Variants in SLC22A24 observed in about 807,000 individuals in gnomAD.
SLC22A24 encodes the protein solute carrier family 22 member 24, also known as steroid transmembrane transporter SLC22A24.
In SLC22A24, 53 loss-of-function variants were observed where a neutral mutation model predicts 49.8. The observed-to-expected ratio is 1.06, with a 90% CI of 0.85 to 1.34. The LOEUF is 1.34. Among genes scored for constraint, SLC22A24 ranks in the 40% most tolerant of loss-of-function variants. The pLI, the probability that SLC22A24 is intolerant of heterozygous loss-of-function variation, is 0.00. For synonymous variants in SLC22A24, 302 were observed against 256.4 expected (o/e 1.18, Z -1.70); for missense variants, 786 against 675.9 (o/e 1.16, Z -1.81).
intron 2 of SLC22A24, among the ~76,000 whole-genome samples, chr11:63,120,563 A>G (rs1294469078): frequency 2.0e-5 from 3 of 152,146 alleles, no homozygotes; most frequent in African/African-American, 7.2e-5. Context: ...GCAGAGAATG[A>G]GAAACAAAGA....
intron 2 of SLC22A24, among the ~76,000 whole-genome samples, chr11:63,125,071 T>G (rs902039759): frequency 6.6e-6 from 1 of 151,814 alleles, no homozygotes; most frequent in Non-Finnish European, 1.5e-5. Flanking sequence ...ACCTGCACAT[T>G]GTGCACATGT....
intron 4 of SLC22A24, among the ~76,000 whole-genome samples, chr11:63,117,034 T>G (rs577547111): frequency 2.6e-5 from 4 of 152,322 alleles, no homozygotes; most frequent in East Asian, 1.9e-4. Flanking sequence ...ATATTTAACT[T>G]AGTTGATTCA....
chr11:63,121,192 A>G lies in SLC22A24; in HGVS notation c.507-1857T>C, dbSNP rs185072182. ...CTATCAATTGTAATAAATGTATCAC[A>G]CTAGTGCAAAATGTTGGTAATATGG... On this transcript the variant is annotated intron_variant, in intron 2 of 9. Coordinates refer to ENST00000612278, the MANE Select transcript of SLC22A24 (RefSeq NM_001136506.2). Among the ~76,000 whole-genome samples the G allele has an allele frequency of 2.0e-3, 299 of 152,314 alleles. 10 individuals carry two copies. Among genetic ancestry groups the G allele is most frequent in the Admixed American group, 0.019 (296 of 15,284 alleles).
At chr11:63,141,379 G>T (rs548070885) in intron 1 of SLC22A24, among the ~76,000 whole-genome samples, 2 of 152,134 alleles carry the variant, frequency 1.3e-5, no homozygotes, top group Non-Finnish European at 2.9e-5. Flanking sequence ...TGCTATCTTC[G>T]TTGGGTTTTG....
intron 4 of SLC22A24, among the ~76,000 whole-genome samples, chr11:63,108,619 G>T (rs1405727128): frequency 1.3e-5 from 2 of 152,170 alleles, no homozygotes; most frequent in East Asian, 3.9e-4. Context: ...CCTGTTATTG[G>T]TCTATTCAGA....
At position 63,113,217 on chromosome 11, in the gene SLC22A24, T is replaced by TATATATACACATATATATACAC. The variant is rs1565332367; in HGVS notation, c.830+5694_830+5695insGTGTATATATATGTGTATATAT. 1.2e-3 allele frequency among the ~76,000 whole-genome samples: 2 copies of TATATATACACATATATATACAC among 1,604 alleles called. 1 individual carries two copies. The highest frequency in any genetic ancestry group is 1.6e-3 in the African/African-American group (2 of 1,288). The allele number at this position is 1,604 out of a possible 152,430, so 1.1% of individuals were successfully genotyped here. On this transcript the variant is annotated intron_variant, in intron 4 of 9. Coordinates refer to ENST00000612278, the MANE Select transcript of SLC22A24 (RefSeq NM_001136506.2). The stretch of plus-strand genomic sequence containing the variant: ...ATATATATATACATATATATACACA[T>TATATATACACATATATATACAC]ATATATATATACATATATATATATA...
chr11:63,087,724 G>A (rs1008411499), intron 6 of SLC22A24, among the ~76,000 whole-genome samples: 5 of 152,204 alleles, frequency 3.3e-5, no homozygotes, highest in African/African-American at 9.6e-5. Context: ...TGCCTGGGAC[G>A]ATGGAGCTTG....
At chr11:63,140,537 T>G (rs1420415946) in intron 1 of SLC22A24, among the ~76,000 whole-genome samples, 1 of 152,192 alleles carries the variant, frequency 6.6e-6, no homozygotes, top group Non-Finnish European at 1.5e-5. Flanking sequence ...TTTGGAGCAT[T>G]AGATTATAGA....
intron 4 of SLC22A24, among the ~76,000 whole-genome samples, chr11:63,105,251 G>T (rs1395478066): frequency 6.6e-6 from 1 of 152,138 alleles, no homozygotes; most frequent in Non-Finnish European, 1.5e-5. Flanking sequence ...CAGGCAAATG[G>T]TGCAAGCTGT....
In SLC22A24 at chr11:63,088,780, C is replaced by T. The variant is rs193240797; in HGVS notation, c.1071-5323G>A. 1.1e-3 allele frequency among the ~76,000 whole-genome samples: 174 copies of T among 151,752 alleles called. 1 individual carries two copies. Among genetic ancestry groups the T allele is most frequent in the African/African-American group, 3.9e-3 (163 of 41,392 alleles). ...CACAGCATGAGAACTTCATGAAGTA[C>T]ATACAAATATTATAGCCAAATTGAT... On this transcript the variant is annotated intron_variant, in intron 6 of 9. Coordinates refer to ENST00000612278, the MANE Select transcript of SLC22A24 (RefSeq NM_001136506.2).
chr11:63,079,946 C>T lies in SLC22A24; in HGVS notation c.1653G>A (p.Gln551=), dbSNP rs1487118467. Residue 551 remains glutamine, a synonymous_variant, in exon 10 of 10, where the codon CAG becomes CAA. Transcript: ENST00000612278. ...ATCAGGTCTTGGGAATCTCTTAAAA[C>T]TGTGTTACTTTCATGCAAGTATCTT... The part of the protein sequence containing the change: ...KQEDTCMKVT[Q]F The T allele has an allele frequency of 1.2e-5, 18 of 1,543,550 alleles. No individual in the cohort carries two copies. Among genetic ancestry groups the T allele is most frequent in the African/African-American group, 4.1e-5 (3 of 72,990 alleles).
chr11:63,122,751 A>G (rs147145176), intron 2 of SLC22A24, among the ~76,000 whole-genome samples: 3,268 of 152,126 alleles, frequency 0.021, 119 homozygotes, highest in African/African-American at 0.075. Flanking sequence ...TGATCTCCTG[A>G]CTTCGTGATC....
intron 4 of SLC22A24, among the ~76,000 whole-genome samples, chr11:63,107,978 G>A (rs1291420860): frequency 6.6e-6 from 1 of 152,074 alleles, no homozygotes; most frequent in Non-Finnish European, 1.5e-5. Flanking sequence ...ATGTTGAATA[G>A]GAGTGGTGAG....
chr11:63,142,370 A>G (rs560897737), intron 1 of SLC22A24, among the ~76,000 whole-genome samples: 44 of 152,268 alleles, frequency 2.9e-4, no homozygotes, highest in Admixed American at 2.4e-3. Flanking sequence ...TTGCAAAATT[A>G]TGACTGAGAC....
At chr11:63,080,841 T>C in intron 9 of SLC22A24, 79 bp downstream of exon 9, 4 of 1,261,174 alleles carry the variant, frequency 3.2e-6, no homozygotes, top group Non-Finnish European at 4.4e-6. Context: ...GGGCCCCAAA[T>C]GGTCGTTGAC....
rs1458227438 is a variant in SLC22A24, at chr11:63,107,344, G to A, written c.831-3046C>T. ...GTTTTGGTTACTGTAGCCTTGTAGTGTAGTTTGAAGTCAGGTAGTGTGATG... is the reference window on the plus strand; with the variant it reads ...GTTTTGGTTACTGTAGCCTTGTAGTATAGTTTGAAGTCAGGTAGTGTGATG... On this transcript the variant is annotated intron_variant, in intron 4 of 9. Coordinates refer to ENST00000612278, the MANE Select transcript of SLC22A24 (RefSeq NM_001136506.2). Among the ~76,000 whole-genome samples the A allele has an allele frequency of 2.6e-5, 4 of 152,146 alleles. No individual in the cohort carries two copies. The East Asian group carries it at 7.7e-4, about 29-fold the overall frequency.
At chr11:63,086,337 A>C (rs560757835) in intron 6 of SLC22A24, among the ~76,000 whole-genome samples, 3 of 152,360 alleles carry the variant, frequency 2.0e-5, no homozygotes, top group African/African-American at 7.2e-5. Flanking sequence ...CACATACACC[A>C]TGGAATACTA....
At chr11:63,115,525 T>A (rs1308118997) in intron 4 of SLC22A24, among the ~76,000 whole-genome samples, 1 of 152,152 alleles carries the variant, frequency 6.6e-6, no homozygotes, top group African/African-American at 2.4e-5. Flanking sequence ...ACTTCCCAGG[T>A]GAGGCAACAC....
In SLC22A24 at chr11:63,079,952, T is replaced by A; in HGVS notation, c.1647A>T (p.Val549=). The A allele has an allele frequency of 6.5e-7, 1 of 1,545,138 alleles. No individual in the cohort carries two copies. The highest frequency in any genetic ancestry group is 2.4e-5 in the East Asian group (1 of 40,856). The change falls in exon 10 of 10, where the codon GTA becomes GTT. Residue 549 remains valine, a synonymous_variant. Transcript: ENST00000612278. Reference sequence around the variant, plus strand: ...TCTTGGGAATCTCTTAAAACTGTGTTACTTTCATGCAAGTATCTTCCTGCT... The same window carrying A: ...TCTTGGGAATCTCTTAAAACTGTGTAACTTTCATGCAAGTATCTTCCTGCT... ...NIKQEDTCMK[V]TQF
Sources: allele counts gnomAD v4.1 joint callset (sites outside exome capture counted in the v4.1 genomes callset), GRCh38; gene constraint gnomAD v4.1.1; transcripts MANE v1.5; gene names NCBI Gene and HGNC (gene_info 2026-07-23, HGNC 2026-07-21).